The following VWA8 variants were observed in gnomAD, a reference collection of about 807,000 sequenced individuals.
The protein encoded by VWA8 is von Willebrand factor A domain containing 8.
Under a neutral mutation model 241.5 loss-of-function variants are expected in VWA8, and 221 were observed. That is an observed-to-expected ratio of 0.91 (90% confidence interval 0.82 to 1.02). The LOEUF (loss-of-function observed/expected upper bound fraction) is 1.02. Among genes scored for constraint, VWA8 ranks in the 50% least tolerant of loss-of-function variants. The pLI is 0.00. For synonymous variants in VWA8, 852 were observed against 827.1 expected (o/e 1.03, Z -0.52); for missense variants, 2,322 against 2,328.7 (o/e 1.00, Z 0.06).
chr13:41,942,262 C>T (rs984266883), intron 2 of VWA8, among the ~76,000 whole-genome samples: 114 of 152,096 alleles, frequency 7.5e-4, no homozygotes, highest in African/African-American at 2.7e-3. Flanking sequence ...TTCCCAACTC[C>T]CACTTCCAGT....
At chr13:41,759,183 T>TTGC (rs2045721133) in intron 21 of VWA8, among the ~76,000 whole-genome samples, 1 of 151,668 alleles carries the variant, frequency 6.6e-6, no homozygotes, top group African/African-American at 2.4e-5. Flanking sequence ...TGTCATTATT[T>TTGC]TGCCTTCTGA....
chr13:41,649,394 T>A (rs1393251486), intron 37 of VWA8, among the ~76,000 whole-genome samples: 1 of 152,136 alleles, frequency 6.6e-6, no homozygotes, highest in African/African-American at 2.4e-5. Context: ...TAGTAATTAT[T>A]TAATGACAAG....
rs71086585 is a variant in VWA8 at position 41,573,108 on chromosome 13, C to CAA, written c.5371-2404_5371-2403dup. 9.5e-3 allele frequency among the ~76,000 whole-genome samples: 687 copies of CAA among 72,330 alleles called. 5 individuals carry two copies. The highest frequency in any genetic ancestry group is 0.046 in the Middle Eastern group (5 of 108). The allele number at this position is 72,330 out of a possible 152,430, so 47.5% of individuals were successfully genotyped here. A position where few individuals can be genotyped will look rare whatever the true frequency, so the allele number is the denominator to read the frequency against. Reference sequence around the variant, plus strand: ...TGGGCGACAGAGCAAGACACCGTTTCAAAAAAAAAAAAAAAAAAAGAAACA... The same window carrying CAA: ...TGGGCGACAGAGCAAGACACCGTTTCAAAAAAAAAAAAAAAAAAAAAGAAACA... On this transcript the variant is annotated intron_variant, in intron 43 of 44. Coordinates refer to ENST00000379310, the MANE Select transcript of VWA8 (RefSeq NM_015058.2).
rs1349476406 is a variant in VWA8, at chr13:41,709,692, TG to T, written c.3117-6282del. Among the ~76,000 whole-genome samples, 6 of 152,270 alleles carry T rather than the reference TG, an allele frequency of 3.9e-5. No homozygotes were observed. In the East Asian group the frequency reaches 1.2e-3, roughly 29 times the overall value. ...TTCACTGACTCTTCCCCAGGGCAGA[TG>T]GCTGCAATCCTGAGTCTTGGTTCCC... is the stretch of plus-strand genomic sequence containing the variant. On this transcript the variant is annotated intron_variant, in intron 26 of 44. Transcript: ENST00000379310.
chr13:41,670,774 T>C (rs2137798587), intron 37 of VWA8, among the ~76,000 whole-genome samples, 172 bp downstream of exon 37: 1 of 152,328 alleles, frequency 6.6e-6, no homozygotes, highest in African/African-American at 2.4e-5. Flanking sequence ...TTTTTCATCA[T>C]TTAGATGGAG....
chr13:41,728,153 A>T (rs2045451783), intron 23 of VWA8, among the ~76,000 whole-genome samples: 1 of 151,542 alleles, frequency 6.6e-6, no homozygotes, highest in African/African-American at 2.4e-5. Flanking sequence ...GCCTACTCTC[A>T]TTTTTTTATG....
intron 40 of VWA8, among the ~76,000 whole-genome samples, chr13:41,596,021 C>A (rs766766224): frequency 9.9e-5 from 15 of 152,064 alleles, no homozygotes; most frequent in Non-Finnish European, 2.1e-4. Context: ...TTTAGCCATT[C>A]TTTTGGTGTA....
intron 17 of VWA8, among the ~76,000 whole-genome samples, chr13:41,809,270 T>C (rs1870361107): frequency 6.6e-6 from 1 of 152,098 alleles, no homozygotes; most frequent in South Asian, 2.1e-4. Context: ...CTAAAATTTA[T>C]ATGAAACCAC....
intron 35 of VWA8, among the ~76,000 whole-genome samples, chr13:41,676,213 G>C (rs2045059265): frequency 1.3e-5 from 2 of 152,076 alleles, no homozygotes; most frequent in South Asian, 4.1e-4. Context: ...CTTAATTTTA[G>C]GTGTCAGTTG....
chr13:41,626,887 A>G (rs1200643643), intron 37 of VWA8, among the ~76,000 whole-genome samples: 1 of 152,246 alleles, frequency 6.6e-6, no homozygotes, highest in Non-Finnish European at 1.5e-5. Context: ...GGACTCCAAA[A>G]GCAATTGCAG....
intron 21 of VWA8, among the ~76,000 whole-genome samples, chr13:41,756,815 T>C (rs2137899771): frequency 1.3e-5 from 2 of 151,836 alleles, no homozygotes; most frequent in Middle Eastern, 6.8e-3. Context: ...TACTATACAC[T>C]TAAGCAGCAT....
intron 37 of VWA8, among the ~76,000 whole-genome samples, chr13:41,655,532 T>C (rs1015624344): frequency 3.7e-4 from 57 of 152,132 alleles, no homozygotes; most frequent in Non-Finnish European, 7.6e-4. Context: ...TAAAAGGTTT[T>C]AACAATGTAA....
chr13:41,823,553 T>C (rs541703665), intron 14 of VWA8, among the ~76,000 whole-genome samples: 2 of 152,264 alleles, frequency 1.3e-5, no homozygotes, highest in Admixed American at 1.3e-4. Flanking sequence ...ATACTCCCCC[T>C]TTCCCTAAAG....
At position 41,761,285 on chromosome 13, in the gene VWA8, C is replaced by A; in HGVS notation, c.2350-81G>T. The A allele has an allele frequency of 3.7e-6, 5 of 1,349,082 alleles. No individual in the cohort carries two copies. In the African/African-American group the frequency reaches 5.9e-5, roughly 16 times the overall value. The allele number at this position is 1,349,082 out of a possible 1,614,324, so 83.6% of individuals were successfully genotyped here. A position where few individuals can be genotyped will look rare whatever the true frequency, so the allele number is the denominator to read the frequency against. ...TATGCCAAATCAGAAGAATCTTTTA[C>A]CAAAACCTGCTTTCTCACCTTGTTA... On this transcript the variant is annotated intron_variant, in intron 20 of 44. Coordinates refer to ENST00000379310, the MANE Select transcript of VWA8 (RefSeq NM_015058.2).
intron 5 of VWA8, among the ~76,000 whole-genome samples, chr13:41,888,399 C>A (rs1874650692): frequency 6.6e-6 from 1 of 152,162 alleles, no homozygotes; most frequent in African/African-American, 2.4e-5. Context: ...GGCAGAAGCC[C>A]TGATTCTCTC....
chr13:41,723,650 GAGAA>G (rs2045409933), intron 24 of VWA8, among the ~76,000 whole-genome samples: 1 of 152,094 alleles, frequency 6.6e-6, no homozygotes, highest in Admixed American at 6.6e-5. Context: ...AAGAGCATAA[GAGAA>G]AGAGAGAAAC....
At chr13:41,775,073 T>C (rs1169634154) in intron 20 of VWA8, among the ~76,000 whole-genome samples, 3 of 152,152 alleles carry the variant, frequency 2.0e-5, no homozygotes, top group African/African-American at 7.2e-5. Flanking sequence ...GAGTATTTAA[T>C]TTGTCTGAGG....
chr13:41,572,409 AAAG>A (rs1593622277), intron 43 of VWA8, among the ~76,000 whole-genome samples: 1 of 152,366 alleles, frequency 6.6e-6, no homozygotes, highest in South Asian at 2.1e-4. Flanking sequence ...GTTGGTGTAG[AAAG>A]AAGTAGACAT....
intron 22 of VWA8, among the ~76,000 whole-genome samples, chr13:41,730,033 G>A (rs2137862247): frequency 6.6e-6 from 1 of 152,240 alleles, no homozygotes; most frequent in African/African-American, 2.4e-5. Flanking sequence ...TAGAGAAAGT[G>A]CCATGGGAGT....
Sources: gnomAD v4.1 joint callset for allele counts (sites outside exome capture counted in the v4.1 genomes callset) on GRCh38, gnomAD v4.1.1 for gene constraint, MANE v1.5 for transcripts, NCBI Gene and HGNC (gene_info 2026-07-23, HGNC 2026-07-21) for gene names.